CCSER1: variants seen among roughly 807,000 people sequenced by gnomAD.
CCSER1 encodes the protein coiled-coil serine rich protein 1.
A neutral mutation model predicts 82.0 loss-of-function variants in CCSER1; 41 were observed. The ratio of observed to expected loss-of-function variants is 0.50; its 90% CI spans 0.39 to 0.65. CCSER1 has a LOEUF of 0.65. Among genes scored for constraint, CCSER1 ranks in the 30% least tolerant of loss-of-function variants. CCSER1 has a pLI of 0.00. For synonymous variants in CCSER1, 414 were observed against 383.9 expected (o/e 1.08, Z -0.92); for missense variants, 1,119 against 1,064.2 (o/e 1.05, Z -0.72).
chr4:90,803,161 T>G (rs1757043786), intron 7 of CCSER1, among the ~76,000 whole-genome samples: 1 of 152,164 alleles, frequency 6.6e-6, no homozygotes, highest in Admixed American at 6.5e-5. Flanking sequence ...TTGGGAGGTT[T>G]GTGAGAATTA....
At chr4:90,849,790 T>TA (rs750879193) in intron 8 of CCSER1, among the ~76,000 whole-genome samples, 4,537 of 76,894 alleles carry the variant, frequency 0.059, 201 homozygotes, top group African/African-American at 0.17. Context: ...CTCCATCTCA[T>TA]AAAAAAAAAA....
intron 10 of CCSER1, among the ~76,000 whole-genome samples, chr4:91,364,427 C>CTCAA (rs1481295949): frequency 3.9e-5 from 6 of 151,994 alleles, no homozygotes; most frequent in African/African-American, 1.4e-4. Context: ...AAGAATTCTT[C>CTCAA]TCAATATCTG....
chr4:90,902,637 C>T lies in CCSER1; in HGVS notation c.2095-20733C>T, dbSNP rs986981144. Among the ~76,000 whole-genome samples, 3 of 152,130 alleles carry T rather than the reference C, an allele frequency of 2.0e-5. No homozygotes were observed. The East Asian group carries it at 5.8e-4, about 30-fold the overall frequency. ...CTGCTTGTTGTAGTGATGTGTTAGA[C>T]ATATGCCTCCTGCAAGGCTTAGGGT... On this transcript the variant is annotated intron_variant, in intron 8 of 10. Transcript: ENST00000509176.
chr4:91,422,158 G>A (rs1336136463), intron 10 of CCSER1, among the ~76,000 whole-genome samples: 1 of 151,978 alleles, frequency 6.6e-6, no homozygotes, highest in Non-Finnish European at 1.5e-5. Flanking sequence ...ATTCAGAACT[G>A]TGAGATAATA....
chr4:90,619,779 A>C (rs911082069), intron 5 of CCSER1, among the ~76,000 whole-genome samples: 2 of 151,762 alleles, frequency 1.3e-5, no homozygotes, highest in African/African-American at 4.9e-5. Context: ...AGAATTTTTA[A>C]ACAATAATTT....
At position 90,881,477 on chromosome 4, in the gene CCSER1, T is replaced by C. The variant is rs35878191; in HGVS notation, c.2095-41893T>C. ...ATTATCCTCAATTTAAAGAAAAACATATGTACACACACTGCCAGATGTGGT... is the reference window on the plus strand; with the variant it reads ...ATTATCCTCAATTTAAAGAAAAACACATGTACACACACTGCCAGATGTGGT... On this transcript the variant is annotated intron_variant, in intron 8 of 10. Transcript: ENST00000509176. 8.0e-3 allele frequency among the ~76,000 whole-genome samples: 1,212 copies of C among 152,186 alleles called. 9 individuals carry two copies. Among genetic ancestry groups the C allele is most frequent in the Non-Finnish European group, 0.014 (921 of 67,988 alleles).
intron 1 of CCSER1, among the ~76,000 whole-genome samples, chr4:90,286,468 G>A (rs1729915899): frequency 6.6e-6 from 1 of 151,920 alleles, no homozygotes; most frequent in Non-Finnish European, 1.5e-5. Context: ...GATAGTTTGT[G>A]CCACTTACAC....
chr4:90,350,692 A>C (rs562675689), intron 3 of CCSER1, among the ~76,000 whole-genome samples: 11 of 152,228 alleles, frequency 7.2e-5, no homozygotes, highest in Admixed American at 5.9e-4. Context: ...AATGGCACCA[A>C]ATATAACAAA....
At chr4:90,190,498 T>C (rs544191140) in intron 1 of CCSER1, among the ~76,000 whole-genome samples, 1 of 152,240 alleles carries the variant, frequency 6.6e-6, no homozygotes, top group East Asian at 1.9e-4. Context: ...ACAAAGCATT[T>C]TCATTTTCAG....
rs1298578091 is a variant in CCSER1 at position 90,933,020 on chromosome 4, GA to G, written c.2172+9576del. Among the ~76,000 whole-genome samples, 131 of 87,146 alleles carry G rather than the reference GA, an allele frequency of 1.5e-3. 46 individuals are homozygous for G. Among genetic ancestry groups the G allele is most frequent in the Non-Finnish European group, 2.2e-3 (100 of 46,342 alleles). 57.2% of individuals were successfully genotyped at this position (87,146 alleles called of 152,430 possible). A position where few individuals can be genotyped will look rare whatever the true frequency, so the allele number is the denominator to read the frequency against. ...AGAAAGAAAGAAAGAAAGAAAGAAA[GA>G]AAGAAAGAAAGAAAGAAAGAAAGAG... On this transcript the variant is annotated intron_variant, in intron 9 of 10. Transcript: ENST00000509176.
chr4:91,443,321 T>C (rs1468545682), intron 10 of CCSER1, among the ~76,000 whole-genome samples: 6 of 152,114 alleles, frequency 3.9e-5, no homozygotes, highest in Non-Finnish European at 4.4e-5. Context: ...ATGTGCTTTG[T>C]AGAGACATGG....
At chr4:90,771,350 C>T (rs1391391305) in intron 7 of CCSER1, among the ~76,000 whole-genome samples, 1 of 151,082 alleles carries the variant, frequency 6.6e-6, no homozygotes, top group Non-Finnish European at 1.5e-5. Flanking sequence ...TTTTTTTAGA[C>T]AATATTATTG....
At chr4:90,673,637 C>G (rs931226833) in intron 6 of CCSER1, among the ~76,000 whole-genome samples, 27 of 151,884 alleles carry the variant, frequency 1.8e-4, no homozygotes, top group African/African-American at 5.6e-4. Context: ...ACCTAGAAAT[C>G]CTCTCCACAA....
chr4:90,344,874 C>A (rs964194258), intron 3 of CCSER1, among the ~76,000 whole-genome samples: 1 of 151,972 alleles, frequency 6.6e-6, no homozygotes, highest in African/African-American at 2.4e-5. Context: ...ATTAAATATG[C>A]TATTTTTACA....
At chr4:91,282,508 G>A (rs1385964205) in intron 10 of CCSER1, among the ~76,000 whole-genome samples, 1 of 152,064 alleles carries the variant, frequency 6.6e-6, no homozygotes, top group African/African-American at 2.4e-5. Context: ...TTACTCACAA[G>A]TCGCTCTTCA....
At chr4:90,205,402 AG>A (rs1193041922) in intron 1 of CCSER1, among the ~76,000 whole-genome samples, 2 of 152,260 alleles carry the variant, frequency 1.3e-5, no homozygotes, top group South Asian at 2.1e-4. Flanking sequence ...TTTAGCATGA[AG>A]GGGTGTTGAA....
chr4:90,365,394 C>T (rs879649894), intron 3 of CCSER1, among the ~76,000 whole-genome samples: 1 of 151,606 alleles, frequency 6.6e-6, no homozygotes, highest in African/African-American at 2.4e-5. Context: ...CACATATATA[C>T]ATACATTTCT....
At chr4:91,077,425 G>GA (rs956915353) in intron 9 of CCSER1, among the ~76,000 whole-genome samples, 2 of 152,116 alleles carry the variant, frequency 1.3e-5, no homozygotes, top group African/African-American at 2.4e-5. Flanking sequence ...CTGGACATGA[G>GA]AAAAAATAGT....
chr4:90,744,316 G>GTAC lies in CCSER1; in HGVS notation c.2010+20326_2010+20328dup, dbSNP rs1747043680. On this transcript the variant is annotated intron_variant, in intron 7 of 10. Coordinates refer to ENST00000509176, the MANE Select transcript of CCSER1 (RefSeq NM_001145065.2). ...TAGACTCCATTTTACAGGAAGTAAG[G>GTAC]TACCGGAAGTGGTCAAAAATTGAGC... Among the ~76,000 whole-genome samples, 6 of 152,242 alleles carry GTAC rather than the reference G, an allele frequency of 3.9e-5. No homozygotes were observed. In the South Asian group the frequency reaches 1.0e-3, roughly 26 times the overall value.
Sources: gnomAD v4.1 joint callset for allele counts (sites outside exome capture counted in the v4.1 genomes callset) on GRCh38, gnomAD v4.1.1 for gene constraint, MANE v1.5 for transcripts, NCBI Gene and HGNC (gene_info 2026-07-23, HGNC 2026-07-21) for gene names.